Variants in ZNF710 observed in about 807,000 individuals in gnomAD.
ZNF710 encodes zinc finger protein 710.
Under a neutral mutation model 50.6 loss-of-function variants are expected in ZNF710, and 13 were observed. The observed-to-expected ratio is 0.26, with a 90% CI of 0.17 to 0.41. The LOEUF (loss-of-function observed/expected upper bound fraction) is 0.41. Among genes scored for constraint, ZNF710 ranks in the 10% least tolerant of loss-of-function variants. ZNF710 has a pLI of 1.00. For synonymous variants in ZNF710, 383 were observed against 397.0 expected, an observed-to-expected ratio of 0.96 and a Z score of 0.42; for missense variants, 721 against 936.6, an observed-to-expected ratio of 0.77 and a Z score of 3.01.
intron 1 of ZNF710, among the ~76,000 whole-genome samples, chr15:90,031,005 C>A (rs1244466434): frequency 3.4e-5 from 4 of 118,450 alleles, no homozygotes; most frequent in African/African-American, 1.5e-4. Context: ...GGCGACAGAG[C>A]GAGACTCCGT....
intron 1 of ZNF710, among the ~76,000 whole-genome samples, chr15:90,035,035 C>T (rs1303255995): frequency 2.0e-5 from 3 of 152,176 alleles, no homozygotes; most frequent in South Asian, 2.1e-4. Flanking sequence ...TAAAGAGGCC[C>T]GTATAGTACT....
chr15:90,051,174 G>C (rs1899632330), intron 1 of ZNF710, among the ~76,000 whole-genome samples: 1 of 151,616 alleles, frequency 6.6e-6, no homozygotes, highest in Non-Finnish European at 1.5e-5. Flanking sequence ...GAGAGGCGGA[G>C]GTTGCAGTGA....
At chr15:90,044,398 C>T (rs1567231953) in intron 1 of ZNF710, among the ~76,000 whole-genome samples, 1 of 152,150 alleles carries the variant, frequency 6.6e-6, no homozygotes, top group East Asian at 1.9e-4. Flanking sequence ...GGCTAGGTGG[C>T]GTCCGTGTGA....
At chr15:90,058,721 A>ATATG (rs1567236953) in intron 1 of ZNF710, among the ~76,000 whole-genome samples, 12 of 144,656 alleles carry the variant, frequency 8.3e-5, no homozygotes, top group African/African-American at 3.2e-4. Flanking sequence ...ATATATATAC[A>ATATG]CACATATACA....
chr15:90,069,007 C>T (rs950072330), intron 2 of ZNF710, among the ~76,000 whole-genome samples: 8 of 152,094 alleles, frequency 5.3e-5, no homozygotes, highest in African/African-American at 1.9e-4. Flanking sequence ...GCGGGCAGAT[C>T]ACCTGAGGTC....
chr15:90,008,322 T>C (rs1245870993), intron 1 of ZNF710, among the ~76,000 whole-genome samples: 2 of 150,640 alleles, frequency 1.3e-5, no homozygotes, highest in Admixed American at 6.6e-5. Context: ...CCAGTATGTA[T>C]TATCTTTATT....
chr15:90,011,652 G>A (rs375242334), intron 1 of ZNF710, among the ~76,000 whole-genome samples: 1 of 151,920 alleles, frequency 6.6e-6, no homozygotes, highest in South Asian at 2.1e-4. Context: ...TTTCATCTCA[G>A]GTCTTCTTTC....
At chr15:90,000,321 C>T (rs529020398), upstream of ZNF710, among the ~76,000 whole-genome samples, 1 of 152,158 alleles carries the variant, frequency 6.6e-6, no homozygotes, top group Non-Finnish European at 1.5e-5. Context: ...CTCGGAGTGG[C>T]GGGTGTTCTG....
chr15:90,052,678 C>T (rs925533004), intron 1 of ZNF710, among the ~76,000 whole-genome samples: 1 of 152,194 alleles, frequency 6.6e-6, no homozygotes, highest in Non-Finnish European at 1.5e-5. Flanking sequence ...CGCCTGTAAT[C>T]CCAGCACTTT....
chr15:90,079,916 A>G lies in ZNF710; in HGVS notation c.*87A>G. On this transcript the variant is annotated 3_prime_UTR_variant, in exon 5 of 5. Coordinates refer to ENST00000268154, the MANE Select transcript of ZNF710 (RefSeq NM_198526.4). ...CTGCAGGCTGCACCTCCTGCAGCCG[A>G]GAAACAAGCTACTGCCCCACTGTTC... The G allele has an allele frequency of 7.7e-7, 1 of 1,304,078 alleles. No individual in the cohort carries two copies. The highest frequency in any genetic ancestry group is 1.6e-5 in the South Asian group (1 of 62,190). The allele number at this position is 1,304,078 out of a possible 1,614,324, so 80.8% of individuals were successfully genotyped here.
intron 1 of ZNF710, among the ~76,000 whole-genome samples, chr15:90,005,449 AT>A (rs530597511): frequency 5.3e-5 from 8 of 150,026 alleles, no homozygotes; most frequent in African/African-American, 1.5e-4. Context: ...GTTTTTTTAG[AT>A]TTTTTTTTTC....
chr15:90,065,645 C>T (rs868252291), intron 1 of ZNF710, among the ~76,000 whole-genome samples: 13 of 152,174 alleles, frequency 8.5e-5, no homozygotes, highest in Middle Eastern at 3.2e-3. Flanking sequence ...AGACGGCTCA[C>T]GGAGCAGGTG....
At position 90,054,904 on chromosome 15, in the gene ZNF710, CGGG is replaced by C. The variant is rs1567235463; in HGVS notation, c.-28-12205_-28-12203del. Among the ~76,000 whole-genome samples, 4 of 152,262 alleles carry C rather than the reference CGGG, an allele frequency of 2.6e-5. No individual in the cohort carries two copies. The East Asian group carries it at 7.7e-4, about 29-fold the overall frequency. On this transcript the variant is annotated intron_variant, in intron 1 of 4. Transcript: ENST00000268154. ...GGCCATAAAGCTCAGGGAAAAGAGG[CGGG>C]CAGGGTCTATCTGGCTGCTGTCCAA...
intron 1 of ZNF710, among the ~76,000 whole-genome samples, chr15:90,006,134 C>T (rs527859332): frequency 1.3e-5 from 2 of 152,020 alleles, no homozygotes; most frequent in African/African-American, 4.8e-5. Context: ...GAGGGTTCAC[C>T]CAGTGAGGCC....
intron 4 of ZNF710, chr15:90,074,641 G>T: frequency 1.6e-6 from 1 of 630,438 alleles, no homozygotes; most frequent in Non-Finnish European, 2.4e-6. Flanking sequence ...CTGAAGAACA[G>T]AGAACTTAGA....
rs998541980 is a variant in ZNF710, at chr15:90,063,620, G to A, written c.-28-3490G>A. Among the ~76,000 whole-genome samples, 3 of 152,180 alleles carry A rather than the reference G, an allele frequency of 2.0e-5. No individual in the cohort carries two copies. The East Asian group carries it at 5.8e-4, about 29-fold the overall frequency. ...TCCAAACTACCTGTTCATATGGGAAGGGGTTTGCTTCAGGTGTCCTGGTGT... is the reference window on the plus strand; with the variant it reads ...TCCAAACTACCTGTTCATATGGGAAAGGGTTTGCTTCAGGTGTCCTGGTGT... On this transcript the variant is annotated intron_variant, in intron 1 of 4. Coordinates refer to ENST00000268154, the MANE Select transcript of ZNF710 (RefSeq NM_198526.4).
At chr15:90,022,785 A>G (rs911765033) in intron 1 of ZNF710, among the ~76,000 whole-genome samples, 2 of 152,216 alleles carry the variant, frequency 1.3e-5, no homozygotes, top group African/African-American at 4.8e-5. Flanking sequence ...ATAATTTACA[A>G]AAGTACATTA....
Position 90,054,343 on chromosome 15 carries a change from GC to G in ZNF710, c.-28-12766del, listed in dbSNP as rs377296772. On this transcript the variant is annotated intron_variant, in intron 1 of 4. Coordinates refer to ENST00000268154, the MANE Select transcript of ZNF710 (RefSeq NM_198526.4). Reference sequence around the variant, plus strand: ...GGGCTTGGTGCAGGAGGGGTCTGAGGCGAGTCTTGGTGAGGAGGAAGGGAAG... The same window carrying G: ...GGGCTTGGTGCAGGAGGGGTCTGAGGGAGTCTTGGTGAGGAGGAAGGGAAG... 3.6e-3 allele frequency among the ~76,000 whole-genome samples: 543 copies of G among 152,248 alleles called. 3 individuals are homozygous for G. The highest frequency in any genetic ancestry group is 0.012 in the African/African-American group (485 of 41,542).
chr15:90,064,147 G>A (rs1900097710), intron 1 of ZNF710, among the ~76,000 whole-genome samples: 1 of 152,250 alleles, frequency 6.6e-6, no homozygotes, highest in African/African-American at 2.4e-5. Flanking sequence ...GGTTGCCGCT[G>A]GGTGCTGTGT....
Sources: allele counts gnomAD v4.1 joint callset (sites outside exome capture counted in the v4.1 genomes callset), GRCh38; gene constraint gnomAD v4.1.1; transcripts MANE v1.5; gene names NCBI Gene and HGNC (gene_info 2026-07-23, HGNC 2026-07-21).